The following GTPBP8 variants were observed in gnomAD, a reference collection of about 807,000 sequenced individuals.
GTPBP8 encodes the protein GTP-binding protein 8.
A neutral mutation model predicts 27.3 loss-of-function variants in GTPBP8; 21 were observed. That is an observed-to-expected ratio of 0.77 (90% CI 0.55 to 1.11). The LOEUF (loss-of-function observed/expected upper bound fraction) is 1.11. Among genes scored for constraint, GTPBP8 ranks in the 50% least tolerant of loss-of-function variants. GTPBP8 has a pLI of 0.00. For missense variants in GTPBP8, 380 were observed against 350.8 expected (o/e 1.08, Z -0.67); for synonymous variants, 147 against 135.3 (o/e 1.09, Z -0.60).
chr3:113,000,885 G>GC lies in GTPBP8; in HGVS notation c.822dup (p.Phe275LeufsTer10), dbSNP rs1310261072. ...TTTTCTGGAATCCACCTGTTGAGAT[G>GC]CTTTATAGCCAGTGTAACAGGAAGT... On this transcript the variant is annotated frameshift_variant, in exon 6 of 6. Transcript: ENST00000383678. LOFTEE classifies it high-confidence loss of function. 6.3e-7 allele frequency: 1 copy of GC among 1,599,642 alleles called. No homozygotes were observed. Among genetic ancestry groups the GC allele is most frequent in the Non-Finnish European group, 8.6e-7 (1 of 1,168,954 alleles).
In GTPBP8 at chr3:112,991,145, A is replaced by T; in HGVS notation, c.146A>T (p.Tyr49Phe). ...LPKQQLRKLLYPLQEVERFLA... is the reference protein window; with the variant it reads ...LPKQQLRKLLFPLQEVERFLA... Reference sequence around the variant, plus strand: ...AAGCAGCAGCTGAGGAAGCTGCTGTACCCGCTGCAGGAAGTAGAGCGGTTC... The same window carrying T: ...AAGCAGCAGCTGAGGAAGCTGCTGTTCCCGCTGCAGGAAGTAGAGCGGTTC... Residue 49 changes from tyrosine (Y) to phenylalanine (F), a missense_variant, in exon 1 of 6, where the codon TAC becomes TTC. Tyr to Phe is a conservative substitution (Grantham distance 22). Transcript: ENST00000383678. 1 of 1,614,024 alleles carries T rather than the reference A, an allele frequency of 6.2e-7. No individual in the cohort carries two copies. Among genetic ancestry groups the T allele is most frequent in the South Asian group, 1.1e-5 (1 of 91,084 alleles).
At chr3:112,991,664 C>A in intron 1 of GTPBP8, 1 of 498,870 alleles carries the variant, frequency 2.0e-6, no homozygotes. Context: ...GCTTTAAAAG[C>A]TTTTCAAACC....
Position 112,991,335 on chromosome 3 carries a change from G to A in GTPBP8, c.336G>A (p.Glu112=). 2 of 1,613,192 alleles carry A rather than the reference G, an allele frequency of 1.2e-6. No homozygotes were observed. Among genetic ancestry groups the A allele is most frequent in the Non-Finnish European group, 1.7e-6 (2 of 1,179,728 alleles). The change falls in exon 1 of 6, where the codon GAG becomes GAA. Residue 112 remains glutamate (E), a splice_region_variant and synonymous_variant. Coordinates refer to ENST00000383678, the MANE Select transcript of GTPBP8 (RefSeq NM_014170.4). ...IDHAPDLPRP[E]VCFIGRSNVG... ...ACGCCCCGGACCTTCCGCGGCCAGA[G>A]GTGAGAGGCGATTCTCACGGTTCAC...
chr3:112,995,154 A>T lies in GTPBP8; in HGVS notation c.455A>T (p.Asn152Ile). 1 of 1,601,242 alleles carries T rather than the reference A, an allele frequency of 6.2e-7. No individual in the cohort carries two copies. The highest frequency in any genetic ancestry group is 8.5e-7 in the Non-Finnish European group (1 of 1,174,774). The stretch of plus-strand genomic sequence containing the variant: ...TATCAGGGACACACAAAGAAAATGA[A>T]TTTTTTCAAAGTTGGAAAACATTTT... Reference protein sequence around the residue: ...SKKPGHTKKMNFFKVGKHFTV... With the variant: ...SKKPGHTKKMIFFKVGKHFTV... The change falls in exon 3 of 6, where the codon AAT becomes ATT. Residue 152 changes from asparagine to isoleucine, a missense_variant. Asn to Ile is a moderately radical substitution (Grantham distance 149). Coordinates refer to ENST00000383678, the MANE Select transcript of GTPBP8 (RefSeq NM_014170.4).
rs1440658022 is a variant in GTPBP8 at position 112,993,042 on chromosome 3, G to T, written c.353G>T (p.Arg118Ile). The T allele has an allele frequency of 6.2e-7, 1 of 1,604,550 alleles. No homozygotes were observed. The highest frequency in any genetic ancestry group is 8.5e-7 in the Non-Finnish European group (1 of 1,171,780). ...LPRPEVCFIG[R>I]SNVGKSSLIK... ...TTGTATAAGGTGTGTTTTATAGGCA[G>T]AAGCAATGTTGGAAAATCATCTCTA... Residue 118 changes from arginine to isoleucine, a missense_variant, in exon 2 of 6, where the codon AGA becomes ATA. By Grantham distance (97) the Arg-to-Ile change is moderately conservative. Transcript: ENST00000383678.
rs1434588922 is a variant in GTPBP8, at chr3:113,001,071, G to A, written c.*152G>A. The stretch of plus-strand genomic sequence containing the variant: ...TGAGCTTTAAAACCTGTGCCTTCTC[G>A]AAACAAGAATTTGTGCCTGAGGTGA... On this transcript the variant is annotated 3_prime_UTR_variant, in exon 6 of 6. Coordinates refer to ENST00000383678, the MANE Select transcript of GTPBP8 (RefSeq NM_014170.4). 18 of 558,558 alleles carry A rather than the reference G, an allele frequency of 3.2e-5. No homozygotes were observed. Among genetic ancestry groups the A allele is most frequent in the South Asian group, 2.1e-4 (9 of 42,640 alleles). The allele number at this position is 558,558 out of a possible 1,614,324, so 34.6% of individuals were successfully genotyped here.
In GTPBP8 at chr3:113,001,085, T is replaced by G. The variant is rs1933898573; in HGVS notation, c.*166T>G. 1 of 551,640 alleles carries G rather than the reference T, an allele frequency of 1.8e-6. No homozygotes were observed. The highest frequency in any genetic ancestry group is 1.9e-5 in the African/African-American group (1 of 52,304). The allele number at this position is 551,640 out of a possible 1,614,324, so 34.2% of individuals were successfully genotyped here. ...TGTGCCTTCTCGAAACAAGAATTTG[T>G]GCCTGAGGTGAAAAAAGTTTGTAAG... On this transcript the variant is annotated 3_prime_UTR_variant, in exon 6 of 6. Transcript: ENST00000383678.
intron 4 of GTPBP8, among the ~76,000 whole-genome samples, chr3:112,998,140 T>G (rs1933822630): frequency 1.3e-5 from 2 of 152,038 alleles, no homozygotes. Flanking sequence ...CCACAACAAT[T>G]AACACAGAAG....
rs1933917794 is a variant in GTPBP8 at position 113,001,731 on chromosome 3, CT to C, written c.*815del. The C allele has an allele frequency of 6.6e-6, 1 of 152,072 alleles. No homozygotes were observed. Among genetic ancestry groups the C allele is most frequent in the South Asian group, 2.1e-4 (1 of 4,824 alleles). 9.4% of individuals were successfully genotyped at this position (152,072 alleles called of 1,614,324 possible). ...GTGAAAAAGCAAAAAACAAAAATAGCTTTAAGTGAGAAAACTAATTTGTAAA... is the reference window on the plus strand; with the variant it reads ...GTGAAAAAGCAAAAAACAAAAATAGCTTAAGTGAGAAAACTAATTTGTAAA... On this transcript the variant is annotated 3_prime_UTR_variant, in exon 6 of 6. Transcript: ENST00000383678.
chr3:113,000,840 C>G lies in GTPBP8; in HGVS notation c.786-10C>G. The G allele has an allele frequency of 4.5e-6, 7 of 1,538,870 alleles. No homozygotes were observed. Among genetic ancestry groups the G allele is most frequent in the East Asian group, 2.3e-5 (1 of 44,124 alleles). On this transcript the variant is annotated splice_polypyrimidine_tract_variant and intron_variant, in intron 5 of 5. Transcript: ENST00000383678. ...AAAGGAAGAAAATTATTTCTCTTTT[C>G]TTTTCACAGTGCTGTGACCTTTTCT...
rs41271345 is a variant in GTPBP8 at position 112,992,780 on chromosome 3, C to T, written c.337-246C>T. On this transcript the variant is annotated intron_variant, in intron 1 of 5. Coordinates refer to ENST00000383678, the MANE Select transcript of GTPBP8 (RefSeq NM_014170.4). ...TCCTGAGTTCAAATCCCAACTCCTT[C>T]ACTTTCTAGCTGTATAATTTTGGGT... Among the ~76,000 whole-genome samples the T allele has an allele frequency of 9.1e-3, 1,390 of 152,320 alleles. 11 individuals carry two copies. Among genetic ancestry groups the T allele is most frequent in the Non-Finnish European group, 0.014 (985 of 68,020 alleles).
At chr3:113,000,101 T>C (rs996622985) in intron 5 of GTPBP8, among the ~76,000 whole-genome samples, 3 of 152,186 alleles carry the variant, frequency 2.0e-5, no homozygotes, top group African/African-American at 4.8e-5. Context: ...CTAGAGACAT[T>C]TGAAGGCCAG....
chr3:113,000,268 C>A (rs544951849), intron 5 of GTPBP8, among the ~76,000 whole-genome samples: 1 of 152,088 alleles, frequency 6.6e-6, no homozygotes, highest in East Asian at 1.9e-4. Flanking sequence ...TGTGGTGGCA[C>A]ATGCCTGTAA....
chr3:112,996,463 A>AT (rs1933788965), intron 3 of GTPBP8, among the ~76,000 whole-genome samples: 1 of 152,050 alleles, frequency 6.6e-6, no homozygotes, highest in Non-Finnish European at 1.5e-5. Context: ...GGCTCTGTCT[A>AT]AAAAAACAAA....
At chr3:112,991,387 C>T (rs1044933566) in intron 1 of GTPBP8, 52 bp downstream of exon 1, 4 of 1,530,344 alleles carry the variant, frequency 2.6e-6, no homozygotes, top group African/African-American at 2.7e-5. Context: ...CAGCGCTAAC[C>T]GCTTCCCTGG....
rs1437818862 is a variant in GTPBP8 at position 112,995,200 on chromosome 3, T to C, written c.501T>C (p.Gly167=). ...GKHFTVVDMP[G]YGFRAPEDFV... The stretch of plus-strand genomic sequence containing the variant: ...ATTTTACAGTGGTGGACATGCCAGG[T>C]TATGGCTTTAGAGCACCTGAAGATT... Residue 167 remains glycine, a synonymous_variant, in exon 3 of 6, where the codon GGT becomes GGC. Transcript: ENST00000383678. The C allele has an allele frequency of 1.2e-6, 2 of 1,608,992 alleles. No individual in the cohort carries two copies. Among genetic ancestry groups the C allele is most frequent in the Admixed American group, 1.7e-5 (1 of 59,796 alleles).
intron 2 of GTPBP8, among the ~76,000 whole-genome samples, chr3:112,994,845 A>G (rs1478672630): frequency 6.6e-6 from 1 of 152,232 alleles, no homozygotes; most frequent in Non-Finnish European, 1.5e-5. Flanking sequence ...AGTGAATGCA[A>G]TAGGAAAGAC....
intron 1 of GTPBP8, chr3:112,991,556 A>G (rs1001281376): frequency 1.4e-5 from 10 of 694,156 alleles, no homozygotes; most frequent in East Asian, 2.7e-5. Flanking sequence ...CCATAAACCC[A>G]TGGTAAAGTC....
Position 113,001,113 on chromosome 3 carries a change from A to C in GTPBP8, c.*194A>C. On this transcript the variant is annotated 3_prime_UTR_variant, in exon 6 of 6. Transcript: ENST00000383678. Reference sequence around the variant, plus strand: ...CTGAGGTGAAAAAAGTTTGTAAGTTATTGAATTATGGTGTTCATTAGAACA... The same window carrying C: ...CTGAGGTGAAAAAAGTTTGTAAGTTCTTGAATTATGGTGTTCATTAGAACA... The C allele has an allele frequency of 1.9e-6, 1 of 525,186 alleles. No homozygotes were observed. Among genetic ancestry groups the C allele is most frequent in the South Asian group, 2.4e-5 (1 of 41,232 alleles). 32.5% of individuals were successfully genotyped at this position (525,186 alleles called of 1,614,324 possible). A position where few individuals can be genotyped will look rare whatever the true frequency, so the allele number is the denominator to read the frequency against.
Sources: gnomAD v4.1 joint callset for allele counts (sites outside exome capture counted in the v4.1 genomes callset) on GRCh38, gnomAD v4.1.1 for gene constraint, MANE v1.5 for transcripts, NCBI Gene and HGNC (gene_info 2026-07-23, HGNC 2026-07-21) for gene names.